Variants in JCAD observed in about 807,000 individuals in gnomAD.
JCAD encodes the protein junctional cadherin 5-associated protein.
A neutral mutation model predicts 98.0 loss-of-function variants in JCAD; 40 were observed. That is an observed-to-expected ratio of 0.41 (90% CI 0.32 to 0.53). JCAD has a LOEUF of 0.53. JCAD is among the 20% of genes least tolerant of loss of function. The pLI is 0.31. For synonymous variants in JCAD, 691 were observed against 682.3 expected, an observed-to-expected ratio of 1.01 and a Z score of -0.20; for missense variants, 1,705 against 1,738.1, an observed-to-expected ratio of 0.98 and a Z score of 0.34.
intron 1 of JCAD, among the ~76,000 whole-genome samples, chr10:30,084,819 ATCTATCT>A (rs1162683874): frequency 6.6e-6 from 1 of 151,158 alleles, no homozygotes; most frequent in South Asian, 2.1e-4. Flanking sequence ...CTATCTATCT[ATCTATCT>A]ATCTGTGTAT....
Position 30,029,886 on chromosome 10 carries a change from A to C in JCAD, c.282-20T>G, listed in dbSNP as rs756653841. The C allele has an allele frequency of 1.9e-6, 3 of 1,603,654 alleles. No individual in the cohort carries two copies. Among genetic ancestry groups the C allele is most frequent in the Admixed American group, 1.7e-5 (1 of 58,184 alleles). On this transcript the variant is annotated intron_variant, in intron 2 of 3. Coordinates refer to ENST00000375377, the MANE Select transcript of JCAD (RefSeq NM_020848.4). ...CAAAACCTACAAAACAAAGAGTCAC[A>C]GACGTTAGGCACAGAAGAAACATGT...
intron 1 of JCAD, among the ~76,000 whole-genome samples, chr10:30,083,241 C>G (rs1838116528): frequency 6.6e-6 from 1 of 152,032 alleles, no homozygotes. Flanking sequence ...AGAGAAATCA[C>G]TAGAGATGAC....
intron 1 of JCAD, among the ~76,000 whole-genome samples, chr10:30,094,380 CG>C (rs772318389): frequency 6.6e-5 from 10 of 151,846 alleles, no homozygotes; most frequent in Non-Finnish European, 1.5e-4. Context: ...TCCCGGGAGG[CG>C]GGAGGTTGTG....
At chr10:30,095,499 T>C (rs1838353464) in intron 1 of JCAD, among the ~76,000 whole-genome samples, 1 of 152,236 alleles carries the variant, frequency 6.6e-6, no homozygotes, top group Non-Finnish European at 1.5e-5. Context: ...TTTCATCTTA[T>C]CCCATTGCTG....
chr10:30,017,724 G>A lies in JCAD; in HGVS notation c.*159C>T, dbSNP rs1836563814. On this transcript the variant is annotated 3_prime_UTR_variant, in exon 4 of 4. Transcript: ENST00000375377. ...CGCCACAAAGCAATTCTGAGAGGAT[G>A]GCAAGTTTCCTAGTGGCAGTGGTAA... 1 of 688,278 alleles carries A rather than the reference G, an allele frequency of 1.5e-6. No homozygotes were observed. Among genetic ancestry groups the A allele is most frequent in the Admixed American group, 2.7e-5 (1 of 37,688 alleles). The allele number at this position is 688,278 out of a possible 1,614,324, so 42.6% of individuals were successfully genotyped here.
chr10:30,024,155 ACT>A (rs1485897583), intron 3 of JCAD, among the ~76,000 whole-genome samples: 1 of 152,164 alleles, frequency 6.6e-6, no homozygotes, highest in Non-Finnish European at 1.5e-5. Context: ...ACAGAGTGAG[ACT>A]CTGTCTCAAA....
intron 1 of JCAD, among the ~76,000 whole-genome samples, chr10:30,080,765 A>G (rs534457863): frequency 6.6e-6 from 1 of 151,706 alleles, no homozygotes; most frequent in East Asian, 1.9e-4. Flanking sequence ...TGATCCCCTT[A>G]TTACCCACTC....
Position 30,013,951 on chromosome 10 carries a change from C to T in JCAD, c.*3932G>A, listed in dbSNP as rs1431862003. ...CAGGCAGGTTGCTAGCCCACATCAACCTTTTCAAGAGGCCTCAATCTGAAT... is the reference window on the plus strand; with the variant it reads ...CAGGCAGGTTGCTAGCCCACATCAATCTTTTCAAGAGGCCTCAATCTGAAT... On this transcript the variant is annotated 3_prime_UTR_variant, in exon 4 of 4. Coordinates refer to ENST00000375377, the MANE Select transcript of JCAD (RefSeq NM_020848.4). The T allele has an allele frequency of 6.6e-6, 1 of 152,230 alleles. No individual in the cohort carries two copies. Among genetic ancestry groups the T allele is most frequent in the Non-Finnish European group, 1.5e-5 (1 of 68,046 alleles). The allele number at this position is 152,230 out of a possible 1,614,324, so 9.4% of individuals were successfully genotyped here. A position where few individuals can be genotyped will look rare whatever the true frequency, so the allele number is the denominator to read the frequency against.
At chr10:30,032,746 G>T (rs923369325) in intron 2 of JCAD, among the ~76,000 whole-genome samples, 4 of 152,164 alleles carry the variant, frequency 2.6e-5, no homozygotes, top group Non-Finnish European at 4.4e-5. Context: ...TTTTTGAACA[G>T]CCTGGGTATT....
intron 2 of JCAD, among the ~76,000 whole-genome samples, chr10:30,042,919 C>T (rs1837271341): frequency 6.6e-6 from 1 of 152,224 alleles, no homozygotes; most frequent in South Asian, 2.1e-4. Flanking sequence ...TCAGGCTTCA[C>T]AGTCCATCTG....
intron 2 of JCAD, among the ~76,000 whole-genome samples, chr10:30,034,900 G>T (rs554945804): frequency 4.2e-4 from 64 of 152,308 alleles, no homozygotes; most frequent in African/African-American, 1.5e-3. Flanking sequence ...CTTTGCATCA[G>T]AAACAATCTA....
intron 2 of JCAD, among the ~76,000 whole-genome samples, chr10:30,035,874 G>A (rs992826917): frequency 2.6e-5 from 4 of 152,128 alleles, no homozygotes; most frequent in African/African-American, 7.2e-5. Context: ...TGAACGGGAC[G>A]GAGATGAAAC....
Position 30,079,840 on chromosome 10 carries a change from T to A in JCAD, n.129-10019A>T, listed in dbSNP as rs560702375. On this transcript the variant is annotated intron_variant and non_coding_transcript_variant, in intron 1 of 2. Coordinates refer to the JCAD transcript ENST00000465712. ...CTTGCCTAAAACTTAGAATGGTTTC[T>A]GCAGATCATGAGAATATGTTATAAA... 7.0e-4 allele frequency among the ~76,000 whole-genome samples: 106 copies of A among 152,386 alleles called. 1 individual carries two copies. Among genetic ancestry groups the A allele is most frequent in the Non-Finnish European group, 1.3e-3 (88 of 68,044 alleles).
chr10:30,075,892 C>A (rs1837972035), intron 1 of JCAD, among the ~76,000 whole-genome samples: 1 of 152,192 alleles, frequency 6.6e-6, no homozygotes, highest in South Asian at 2.1e-4. Context: ...TGTATCCTCA[C>A]TGTATTATAG....
At chr10:30,099,538 G>A (rs1454963499) in intron 1 of JCAD, among the ~76,000 whole-genome samples, 1 of 151,442 alleles carries the variant, frequency 6.6e-6, no homozygotes, top group Non-Finnish European at 1.5e-5. Flanking sequence ...GAAACAGCAT[G>A]AATAATAAGA....
chr10:30,088,566 C>T (rs948014032), intron 1 of JCAD, among the ~76,000 whole-genome samples: 9 of 152,008 alleles, frequency 5.9e-5, no homozygotes, highest in African/African-American at 1.5e-4. Flanking sequence ...AATAAGATTC[C>T]GAAATACAAT....
chr10:30,022,977 C>A (rs1171598556), intron 3 of JCAD, among the ~76,000 whole-genome samples: 1 of 152,098 alleles, frequency 6.6e-6, no homozygotes, highest in Non-Finnish European at 1.5e-5. Context: ...ATGGTAAGTG[C>A]CCTACAAAAG....
chr10:30,073,505 T>C (rs74132240), intron 1 of JCAD, among the ~76,000 whole-genome samples: 1,673 of 152,314 alleles, frequency 0.011, 33 homozygotes, highest in African/African-American at 0.038. Context: ...ACTAATGAGC[T>C]CATTTGCTGA....
rs754110142 is a variant in JCAD at position 30,028,717 on chromosome 10, T to C, written c.1431A>G (p.Pro477=). Residue 477 remains proline (P), a synonymous_variant, in exon 3 of 4, where the codon CCA becomes CCG. Coordinates refer to ENST00000375377, the MANE Select transcript of JCAD (RefSeq NM_020848.4). ...CCCCCGACGGGGGTATTAAGCTCTGTGGATTCCAAATGGCACCATCAGGCT... is the reference window on the plus strand; with the variant it reads ...CCCCCGACGGGGGTATTAAGCTCTGCGGATTCCAAATGGCACCATCAGGCT... The part of the protein sequence containing the change: ...GMQPDGAIWN[P]QSLIPPSGDE... 1.9e-6 allele frequency: 3 copies of C among 1,613,570 alleles called. No individual in the cohort carries two copies. Among genetic ancestry groups the C allele is most frequent in the Non-Finnish European group, 2.5e-6 (3 of 1,179,738 alleles).
Sources: gnomAD v4.1 joint callset for allele counts (sites outside exome capture counted in the v4.1 genomes callset) on GRCh38, gnomAD v4.1.1 for gene constraint, MANE v1.5 for transcripts, NCBI Gene and HGNC (gene_info 2026-07-23, HGNC 2026-07-21) for gene names.